Variants in GABPB1 observed in about 807,000 individuals in gnomAD.
GABPB1 encodes the protein GA-binding protein subunit beta-1.
GABPB1 carries 15 observed loss-of-function variants against 45.9 expected under a neutral mutation model. The observed-to-expected ratio is 0.33, with a 90% CI of 0.22 to 0.50. The LOEUF (loss-of-function observed/expected upper bound fraction) is 0.50. Among genes scored for constraint, GABPB1 ranks in the 20% least tolerant of loss-of-function variants. The pLI is 0.98. For missense variants in GABPB1, 252 were observed against 457.5 expected (o/e 0.55, Z 4.10); for synonymous variants, 143 against 154.4 (o/e 0.93, Z 0.55).
chr15:50,354,493 C>T (rs1399833910), intron 1 of GABPB1: 3 of 448,856 alleles, frequency 6.7e-6, no homozygotes, highest in South Asian at 1.6e-5. Flanking sequence ...CCGGAGAGCC[C>T]GGCGGGGCCG....
intron 2 of GABPB1, among the ~76,000 whole-genome samples, chr15:50,306,449 G>A (rs893148568): frequency 3.9e-5 from 6 of 152,060 alleles, no homozygotes; most frequent in African/African-American, 1.4e-4. Flanking sequence ...GGCCAACATG[G>A]TGAAACCTCA....
chr15:50,298,118 G>T (rs1365968526), intron 6 of GABPB1, among the ~76,000 whole-genome samples: 1 of 152,160 alleles, frequency 6.6e-6, no homozygotes, highest in African/African-American at 2.4e-5. Flanking sequence ...TTGAGACAAG[G>T]TCTTGGTCTG....
chr15:50,285,095 G>C (rs2046108666), intron 8 of GABPB1, among the ~76,000 whole-genome samples: 1 of 152,030 alleles, frequency 6.6e-6, no homozygotes, highest in East Asian at 1.9e-4. Flanking sequence ...TTGTCTTTTA[G>C]TGACTTATTT....
intron 1 of GABPB1, among the ~76,000 whole-genome samples, chr15:50,344,700 T>A (rs550848063): frequency 2.6e-5 from 4 of 152,064 alleles, no homozygotes; most frequent in African/African-American, 9.7e-5. Flanking sequence ...TAGCCAGGCA[T>A]GGTGGTGCAC....
chr15:50,316,401 A>T (rs925193993), intron 1 of GABPB1, among the ~76,000 whole-genome samples: 1 of 152,200 alleles, frequency 6.6e-6, no homozygotes, highest in Non-Finnish European at 1.5e-5. Flanking sequence ...TACTAGTTCC[A>T]CGTGAATGGT....
At chr15:50,329,645 A>C (rs2047883853) in intron 1 of GABPB1, among the ~76,000 whole-genome samples, 1 of 152,188 alleles carries the variant, frequency 6.6e-6, no homozygotes, top group South Asian at 2.1e-4. Flanking sequence ...ACCATTGTTC[A>C]AGTTTGTCTT....
rs1403813123 is a variant in GABPB1, at chr15:50,277,062, C to T, written c.*1570G>A. 1 of 152,098 alleles carries T rather than the reference C, an allele frequency of 6.6e-6. No individual in the cohort carries two copies. Among genetic ancestry groups the T allele is most frequent in the African/African-American group, 2.4e-5 (1 of 41,400 alleles). The allele number at this position is 152,098 out of a possible 1,614,324, so 9.4% of individuals were successfully genotyped here. A position where few individuals can be genotyped will look rare whatever the true frequency, so the allele number is the denominator to read the frequency against. On this transcript the variant is annotated 3_prime_UTR_variant, in exon 9 of 9. Coordinates refer to ENST00000380877, the MANE Select transcript of GABPB1 (RefSeq NM_016654.5). ...AACCATCAGGCTGACAGACCATAGA[C>T]CCCTTTATTACATTAACAAATATAC... is the stretch of plus-strand genomic sequence containing the variant.
intron 1 of GABPB1, among the ~76,000 whole-genome samples, chr15:50,323,510 C>T (rs747094124): frequency 2.3e-4 from 35 of 152,170 alleles, no homozygotes; most frequent in Admixed American, 9.2e-4. Context: ...AGCCTTTCTA[C>T]GCCTCAGTTT....
intron 1 of GABPB1, among the ~76,000 whole-genome samples, chr15:50,318,960 T>C (rs1017441622): frequency 1.3e-5 from 2 of 152,010 alleles, no homozygotes; most frequent in African/African-American, 4.8e-5. Context: ...GTTCCTGGGG[T>C]GTAATGTAAA....
At chr15:50,287,259 C>T (rs2046195682) in intron 7 of GABPB1, among the ~76,000 whole-genome samples, 1 of 151,946 alleles carries the variant, frequency 6.6e-6, no homozygotes, top group Non-Finnish European at 1.5e-5. Context: ...TTATTCTTTT[C>T]CAGAGTTTTC....
rs2045853795 is a variant in GABPB1, at chr15:50,277,377, A to C, written c.*1255T>G. 6.6e-6 allele frequency: 1 copy of C among 152,100 alleles called. No homozygotes were observed. The highest frequency in any genetic ancestry group is 6.5e-5 in the Admixed American group (1 of 15,268). 9.4% of individuals were successfully genotyped at this position (152,100 alleles called of 1,614,324 possible). The stretch of plus-strand genomic sequence containing the variant: ...GGATTTCAGGGTTAAACAGTTCATA[A>C]AGCAATAAAACACTGAAAAATAAAG... On this transcript the variant is annotated 3_prime_UTR_variant, in exon 9 of 9. Transcript: ENST00000380877.
intron 1 of GABPB1, among the ~76,000 whole-genome samples, chr15:50,340,693 T>C (rs2048326925): frequency 6.6e-6 from 1 of 152,060 alleles, no homozygotes; most frequent in Non-Finnish European, 1.5e-5. Context: ...GCTATTATTG[T>C]GTTTTAATAT....
At chr15:50,286,684 C>T (rs1196259918) in intron 7 of GABPB1, among the ~76,000 whole-genome samples, 1 of 152,152 alleles carries the variant, frequency 6.6e-6, no homozygotes, top group Non-Finnish European at 1.5e-5. Context: ...TAGAGAGCTT[C>T]TGTTTATTTA....
In GABPB1 at chr15:50,332,506, T is replaced by A. The variant is rs563462565; in HGVS notation, c.-1+22479A>T. ...TGGGAAAATGTGAATACTAACTACA[T>A]AATGCTAAGAAATTATTGATTTTTT... On this transcript the variant is annotated intron_variant, in intron 1 of 8. Coordinates refer to ENST00000380877, the MANE Select transcript of GABPB1 (RefSeq NM_016654.5). Among the ~76,000 whole-genome samples the A allele has an allele frequency of 4.6e-5, 7 of 152,292 alleles. No individual in the cohort carries two copies. The South Asian group carries it at 1.4e-3, about 32-fold the overall frequency.
intron 6 of GABPB1, among the ~76,000 whole-genome samples, chr15:50,298,174 C>CT (rs1223200844): frequency 2.6e-5 from 4 of 152,182 alleles, no homozygotes; most frequent in Non-Finnish European, 5.9e-5. Context: ...TCACTGCTAC[C>CT]TCTGCTTCCA....
chr15:50,353,497 G>A (rs1595864251), intron 1 of GABPB1: 1 of 151,562 alleles, frequency 6.6e-6, no homozygotes, highest in Middle Eastern at 3.4e-3. Context: ...ATTAAACCAG[G>A]CATTAAAAAG....
intron 2 of GABPB1, 125 bp from the exon 3 acceptor site, chr15:50,304,258 C>T: frequency 1.6e-6 from 1 of 625,404 alleles, no homozygotes. Context: ...AAAGAAATGC[C>T]TAGATTCATG....
At chr15:50,286,252 G>T in intron 7 of GABPB1, 69 bp from the exon 8 acceptor site, 2 of 1,081,330 alleles carry the variant, frequency 1.8e-6, no homozygotes, top group South Asian at 2.1e-5. Flanking sequence ...AACTAGTCTT[G>T]ACATTGTTGA....
chr15:50,354,766 C>A, intron 1 of GABPB1: 1 of 252,038 alleles, frequency 4.0e-6, no homozygotes, highest in South Asian at 3.3e-5. Flanking sequence ...GTGTGCCCAG[C>A]GGACAAAGCG....
Sources: allele counts gnomAD v4.1 joint callset (sites outside exome capture counted in the v4.1 genomes callset), GRCh38; gene constraint gnomAD v4.1.1; transcripts MANE v1.5; gene names NCBI Gene and HGNC (gene_info 2026-07-23, HGNC 2026-07-21).